MIGA1: variants seen among roughly 807,000 people sequenced by gnomAD.
The protein encoded by MIGA1 is family with sequence similarity 73, member A.
A neutral mutation model predicts 82.0 loss-of-function variants in MIGA1; 58 were observed. The ratio of observed to expected loss-of-function variants is 0.71; its 90% confidence interval spans 0.57 to 0.88. The LOEUF is 0.88. Among genes scored for constraint, MIGA1 ranks in the 40% least tolerant of loss-of-function variants. MIGA1 has a pLI of 0.00. For synonymous variants in MIGA1, 249 were observed against 253.6 expected, an observed-to-expected ratio of 0.98 and a Z score of 0.17; for missense variants, 751 against 749.1, an observed-to-expected ratio of 1.00 and a Z score of -0.03.
intron 15 of MIGA1, among the ~76,000 whole-genome samples, chr1:77,873,393 C>T (rs1042598059): frequency 6.6e-6 from 1 of 152,126 alleles, no homozygotes; most frequent in Non-Finnish European, 1.5e-5. Flanking sequence ...TTCCCTAATG[C>T]AAGGGATACA....
At chr1:77,817,058 T>C (rs1410118832) in intron 7 of MIGA1, among the ~76,000 whole-genome samples, 1 of 152,218 alleles carries the variant, frequency 6.6e-6, no homozygotes, top group Non-Finnish European at 1.5e-5. Context: ...ATAAGGATCT[T>C]GTGGATGTGT....
At chr1:77,786,892 C>T (rs976309005) in intron 2 of MIGA1, among the ~76,000 whole-genome samples, 1 of 152,218 alleles carries the variant, frequency 6.6e-6, no homozygotes, top group African/African-American at 2.4e-5. Context: ...ATCTTTTCAG[C>T]AGCACCCCAC....
At chr1:77,858,293 G>A (rs993038864) in intron 8 of MIGA1, among the ~76,000 whole-genome samples, 38 of 151,816 alleles carry the variant, frequency 2.5e-4, no homozygotes, top group Admixed American at 1.0e-3. Context: ...GCTGCATTGA[G>A]CCAAGATCCT....
At chr1:77,820,169 A>G (rs946371086) in intron 7 of MIGA1, among the ~76,000 whole-genome samples, 1 of 143,600 alleles carries the variant, frequency 7.0e-6, no homozygotes, top group Non-Finnish European at 1.5e-5. Context: ...TAGTTAGCTC[A>G]TGTGTCTTTC....
chr1:77,811,798 G>A lies in MIGA1; in HGVS notation c.638-1936G>A, dbSNP rs1313110656. 54 of 585,372 alleles carry A rather than the reference G, an allele frequency of 9.2e-5. 1 individual carries two copies. Among genetic ancestry groups the A allele is most frequent in the South Asian group, 6.6e-4 (43 of 65,600 alleles). The allele number at this position is 585,372 out of a possible 1,614,324, so 36.3% of individuals were successfully genotyped here. On this transcript the variant is annotated intron_variant, in intron 5 of 15. Coordinates refer to ENST00000370791, the MANE Select transcript of MIGA1 (RefSeq NM_198549.4). The stretch of plus-strand genomic sequence containing the variant: ...CTCCGACATGGCCGGTCCCCACCCC[G>A]TCCCCTCCCGCCCCTACCCCAGCAA...
At chr1:77,862,084 T>C (rs1370033671) in intron 12 of MIGA1, 1 of 145,006 alleles carries the variant, frequency 6.9e-6, no homozygotes, top group Non-Finnish European at 1.5e-5. Flanking sequence ...GAGGCGGCAG[T>C]GAGCCAAGAT....
chr1:77,821,115 C>A (rs942375239), intron 7 of MIGA1, among the ~76,000 whole-genome samples: 1 of 145,642 alleles, frequency 6.9e-6, no homozygotes, highest in Non-Finnish European at 1.5e-5. Flanking sequence ...GACTGGGCGA[C>A]AAAGTGAGAC....
At chr1:77,854,139 G>A (rs1359209552) in intron 8 of MIGA1, among the ~76,000 whole-genome samples, 1 of 152,140 alleles carries the variant, frequency 6.6e-6, no homozygotes, top group Non-Finnish European at 1.5e-5. Context: ...AACATATGAT[G>A]TTTGGTTTTC....
chr1:77,834,474 C>A (rs1684355698), intron 7 of MIGA1, among the ~76,000 whole-genome samples: 1 of 152,122 alleles, frequency 6.6e-6, no homozygotes, highest in African/African-American at 2.4e-5. Flanking sequence ...CTGCACCTGC[C>A]CCAAGTTCTC....
intron 5 of MIGA1, among the ~76,000 whole-genome samples, chr1:77,808,687 G>A (rs890671004): frequency 1.3e-5 from 2 of 152,130 alleles, no homozygotes; most frequent in African/African-American, 4.8e-5. Flanking sequence ...CCTCCTTTTA[G>A]TGGAAATGCA....
chr1:77,788,880 T>G (rs1682289831), intron 2 of MIGA1, among the ~76,000 whole-genome samples: 1 of 152,192 alleles, frequency 6.6e-6, no homozygotes, highest in African/African-American at 2.4e-5. Context: ...AAGTTTATTT[T>G]GGCTATTCTA....
intron 7 of MIGA1, among the ~76,000 whole-genome samples, chr1:77,840,872 A>G (rs1684604118): frequency 6.6e-6 from 1 of 152,184 alleles, no homozygotes; most frequent in South Asian, 2.1e-4. Flanking sequence ...CCATGACATA[A>G]TGAAAATTGT....
chr1:77,848,510 G>T, intron 8 of MIGA1: 1 of 1,192,614 alleles, frequency 8.4e-7, no homozygotes, highest in South Asian at 1.4e-5. Context: ...CCAAGTTCTA[G>T]GGCAAAGAAT....
intron 7 of MIGA1, among the ~76,000 whole-genome samples, chr1:77,817,587 T>C (rs183044062): frequency 6.6e-5 from 10 of 152,322 alleles, no homozygotes; most frequent in East Asian, 5.8e-4. Context: ...TGGGGAATTG[T>C]TTGGATATTG....
At chr1:77,866,880 A>G (rs936694834) in intron 14 of MIGA1, among the ~76,000 whole-genome samples, 2 of 151,860 alleles carry the variant, frequency 1.3e-5, no homozygotes, top group African/African-American at 4.8e-5. Context: ...GGGTTTCACC[A>G]TGTTGGCCAG....
At chr1:77,790,002 A>C (rs1210786705) in intron 2 of MIGA1, among the ~76,000 whole-genome samples, 1 of 152,122 alleles carries the variant, frequency 6.6e-6, no homozygotes, top group Non-Finnish European at 1.5e-5. Context: ...ATTTTTAAAA[A>C]CTTTATTTTG....
At chr1:77,859,569 C>T (rs1685388185) in intron 10 of MIGA1, 183 bp downstream of exon 10, 1 of 543,108 alleles carries the variant, frequency 1.8e-6, no homozygotes, top group African/African-American at 1.9e-5. Flanking sequence ...TTCCATATTT[C>T]ATTATCCTCT....
intron 7 of MIGA1, among the ~76,000 whole-genome samples, chr1:77,821,887 C>T (rs1013718385): frequency 1.3e-5 from 2 of 152,114 alleles, no homozygotes; most frequent in African/African-American, 2.4e-5. Context: ...CCTTAGGTCA[C>T]AAATAATTAT....
intron 5 of MIGA1, chr1:77,811,848 C>A (rs1027680816): frequency 2.2e-5 from 33 of 1,467,132 alleles, no homozygotes; most frequent in Non-Finnish European, 3.0e-5. Flanking sequence ...GCGCCATCCT[C>A]CCCCGGCCTG....
Sources: allele counts gnomAD v4.1 joint callset (sites outside exome capture counted in the v4.1 genomes callset), GRCh38; gene constraint gnomAD v4.1.1; transcripts MANE v1.5; gene names NCBI Gene and HGNC (gene_info 2026-07-23, HGNC 2026-07-21).